The following RHD variants were observed in gnomAD, a reference collection of about 807,000 sequenced individuals.
RHD encodes the protein Rh blood group D antigen.
In RHD, 16 loss-of-function variants were observed where a neutral mutation model predicts 45.5. The ratio of observed to expected loss-of-function variants is 0.35; its 90% CI spans 0.24 to 0.53. The LOEUF is 0.53. RHD is among the 20% of genes least tolerant of loss of function. RHD has a pLI of 0.92. For synonymous variants in RHD, 131 were observed against 217.5 expected, an observed-to-expected ratio of 0.60 and a Z score of 3.50; for missense variants, 306 against 532.0, an observed-to-expected ratio of 0.58 and a Z score of 4.18.
intron 7 of RHD, among the ~76,000 whole-genome samples, chr1:25,316,635 A>G (rs553646189): frequency 0.017 from 2,000 of 119,170 alleles, 193 homozygotes; most frequent in African/African-American, 0.05. Context: ...AAAAAAAAAA[A>G]AGAGAGAGAG....
intron 6 of RHD, chr1:25,304,861 G>A (rs1465097684): frequency 7.6e-6 from 1 of 131,776 alleles, no homozygotes; most frequent in Non-Finnish European, 1.8e-5. Context: ...AGAACACATA[G>A]CAAGTTATCA....
At chr1:25,322,253 A>G (rs2124157058) in intron 9 of RHD, among the ~76,000 whole-genome samples, 2 of 132,706 alleles carry the variant, frequency 1.5e-5, no homozygotes, top group Non-Finnish European at 3.6e-5. Context: ...TGCAGTCCTC[A>G]GCGTAGCCAA....
rs1387584884 is a variant in RHD, at chr1:25,291,334, T to A, written c.486+543T>A. ...AAATACAAAATTTAGCTGGGCATGG[T>A]GGCAGGCGCCTGTAATCCCAGCTAC... On this transcript the variant is annotated intron_variant, in intron 3 of 9. Transcript: ENST00000328664. Among the ~76,000 whole-genome samples the A allele has an allele frequency of 1.5e-5, 2 of 131,062 alleles. 1 individual carries two copies. The highest frequency in any genetic ancestry group is 3.6e-5 in the Non-Finnish European group (2 of 55,368). The allele number at this position is 131,062 out of a possible 152,430, so 86.0% of individuals were successfully genotyped here. A position where few individuals can be genotyped will look rare whatever the true frequency, so the allele number is the denominator to read the frequency against.
At position 25,276,235 on chromosome 1, in the gene RHD, A is replaced by C. The variant is rs766841949; in HGVS notation, c.148+3540A>C. Among the ~76,000 whole-genome samples, 14 of 130,488 alleles carry C rather than the reference A, an allele frequency of 1.1e-4. 4 individuals are homozygous for C. Among genetic ancestry groups the C allele is most frequent in the Non-Finnish European group, 2.3e-4 (13 of 55,544 alleles). The allele number at this position is 130,488 out of a possible 152,430, so 85.6% of individuals were successfully genotyped here. A position where few individuals can be genotyped will look rare whatever the true frequency, so the allele number is the denominator to read the frequency against. On this transcript the variant is annotated intron_variant, in intron 1 of 9. Coordinates refer to ENST00000328664, the MANE Select transcript of RHD (RefSeq NM_016124.6). ...AAGTCTCCATCTGTTAGAGAGGCAC[A>C]TTGAAATGGCATGATATCTGGGGTT... is the stretch of plus-strand genomic sequence containing the variant.
At chr1:25,308,924 A>G (rs542845178) in intron 7 of RHD, among the ~76,000 whole-genome samples, 2 of 131,844 alleles carry the variant, frequency 1.5e-5, no homozygotes, top group Admixed American at 1.5e-4. Context: ...AAATGGGAAA[A>G]TAAGACCTAT....
At position 25,280,449 on chromosome 1, in the gene RHD, G is replaced by T. The variant is rs1265016711; in HGVS notation, c.149-4124G>T. On this transcript the variant is annotated intron_variant, in intron 1 of 9. Coordinates refer to ENST00000328664, the MANE Select transcript of RHD (RefSeq NM_016124.6). ...GCCTCCTGAGTAGCTGGGATTACAG[G>T]CATGCGCCACCATGCCAGGCTAATT... Among the ~76,000 whole-genome samples the T allele has an allele frequency of 1.6e-5, 2 of 128,528 alleles. 1 individual carries two copies. Among genetic ancestry groups the T allele is most frequent in the Non-Finnish European group, 3.7e-5 (2 of 54,468 alleles). 84.3% of individuals were successfully genotyped at this position (128,528 alleles called of 152,430 possible). A position where few individuals can be genotyped will look rare whatever the true frequency, so the allele number is the denominator to read the frequency against.
At chr1:25,321,402 T>C (rs1644691993) in intron 8 of RHD, among the ~76,000 whole-genome samples, 1 of 121,800 alleles carries the variant, frequency 8.2e-6, no homozygotes, top group Admixed American at 8.2e-5. Flanking sequence ...GGCTCATGCC[T>C]GTAATACTAG....
chr1:25,294,350 G>A (rs1177132893), intron 3 of RHD: 5 of 997,400 alleles, frequency 5.0e-6, no homozygotes, highest in East Asian at 2.3e-5. Flanking sequence ...GAAGAGTGAG[G>A]GCTGCAGCCA....
At chr1:25,302,266 C>T (rs111684541) in intron 5 of RHD, among the ~76,000 whole-genome samples, 1,296 of 129,542 alleles carry the variant, frequency 0.01, 206 homozygotes, top group African/African-American at 0.033. Context: ...GTGTGTGAGT[C>T]TTGTGGGCAG....
In RHD at chr1:25,318,480, G is replaced by A. The variant is rs151077941; in HGVS notation, c.1153+1401G>A. Reference sequence around the variant, plus strand: ...GCGTGTGCCTGTAGTCCCAGCTACTGGGGAGGCTGAAGTAGGGGAATGGCT... The same window carrying A: ...GCGTGTGCCTGTAGTCCCAGCTACTAGGGAGGCTGAAGTAGGGGAATGGCT... On this transcript the variant is annotated intron_variant, in intron 8 of 9. Coordinates refer to ENST00000328664, the MANE Select transcript of RHD (RefSeq NM_016124.6). Among the ~76,000 whole-genome samples, 14 of 130,572 alleles carry A rather than the reference G, an allele frequency of 1.1e-4. 2 individuals are homozygous for A. The highest frequency in any genetic ancestry group is 3.7e-4 in the African/African-American group (14 of 38,336). The allele number at this position is 130,572 out of a possible 152,430, so 85.7% of individuals were successfully genotyped here.
chr1:25,288,339 GC>G (rs1443677185), intron 2 of RHD, among the ~76,000 whole-genome samples: 1 of 124,248 alleles, frequency 8.0e-6, no homozygotes, highest in African/African-American at 2.7e-5. Context: ...ACCACACCTA[GC>G]TTTTTTTTTT....
At chr1:25,321,698 T>TAAAATAAAATAAAATA (rs1644718192) in intron 8 of RHD, among the ~76,000 whole-genome samples, 191 bp from the exon 9 acceptor site, 1 of 127,430 alleles carries the variant, frequency 7.8e-6, no homozygotes, top group Non-Finnish European at 1.8e-5. Context: ...TAAAATAAAA[T>TAAAATAAAATAAAATA]AAAATAAAAT....
chr1:25,299,666 G>A (rs1319727135), intron 3 of RHD, among the ~76,000 whole-genome samples: 1 of 131,608 alleles, frequency 7.6e-6, no homozygotes, highest in African/African-American at 2.6e-5. Flanking sequence ...GCAGGGTCGT[G>A]GCAAGAACCT....
intron 3 of RHD, chr1:25,294,675 G>C (rs1324371923): frequency 2.9e-6 from 2 of 684,784 alleles, no homozygotes; most frequent in Admixed American, 4.1e-5. Context: ...TCATCTTAAC[G>C]AGAGAAATGG....
rs1196837034 is a variant in RHD, at chr1:25,314,674, A to T, written c.1074-2326A>T. Among the ~76,000 whole-genome samples, 3 of 130,722 alleles carry T rather than the reference A, an allele frequency of 2.3e-5. 1 individual carries two copies. Among genetic ancestry groups the T allele is most frequent in the Non-Finnish European group, 5.4e-5 (3 of 55,094 alleles). 85.8% of individuals were successfully genotyped at this position (130,722 alleles called of 152,430 possible). On this transcript the variant is annotated intron_variant, in intron 7 of 9. Transcript: ENST00000328664. ...ATGCCCAGCTAACTTCTGTATAGAC[A>T]AAATAATTTTTGGTAGAGACAGGGT...
chr1:25,305,438 C>T lies in RHD; in HGVS notation c.940-1158C>T, dbSNP rs998078335. Among the ~76,000 whole-genome samples the T allele has an allele frequency of 1.5e-4, 18 of 116,838 alleles. 7 individuals carry two copies. The highest frequency in any genetic ancestry group is 4.0e-4 in the African/African-American group (14 of 34,706). 76.7% of individuals were successfully genotyped at this position (116,838 alleles called of 152,430 possible). On this transcript the variant is annotated intron_variant, in intron 6 of 9. Coordinates refer to ENST00000328664, the MANE Select transcript of RHD (RefSeq NM_016124.6). ...TTGAGACAGAGTCTCATTCTGTCAC[C>T]CAGGCTGGAGTGCAGTGGTGCAATC...
chr1:25,273,366 A>G (rs1571560397), intron 1 of RHD, among the ~76,000 whole-genome samples: 1 of 97,858 alleles, frequency 1.0e-5, no homozygotes, highest in Non-Finnish European at 2.5e-5. Context: ...CTGGTCTCAA[A>G]CTCCTGGACA....
chr1:25,311,045 G>A (rs142092665), intron 7 of RHD, among the ~76,000 whole-genome samples: 4,999 of 131,020 alleles, frequency 0.038, 857 homozygotes, highest in African/African-American at 0.12. Context: ...AGGGCTTAAA[G>A]GAAGACCCCA....
At position 25,320,432 on chromosome 1, in the gene RHD, T is replaced by C. The variant is rs531973808; in HGVS notation, c.1154-1457T>C. On this transcript the variant is annotated intron_variant, in intron 8 of 9. Transcript: ENST00000328664. Reference sequence around the variant, plus strand: ...CTCAGTGATGAGTAAGCCTCAGCTATCTGGAAAATTCATGCAGGCGCCAGA... The same window carrying C: ...CTCAGTGATGAGTAAGCCTCAGCTACCTGGAAAATTCATGCAGGCGCCAGA... Among the ~76,000 whole-genome samples the C allele has an allele frequency of 2.8e-4, 37 of 132,192 alleles. 4 individuals carry two copies. Among genetic ancestry groups the C allele is most frequent in the African/African-American group, 9.5e-4 (37 of 38,932 alleles). The allele number at this position is 132,192 out of a possible 152,430, so 86.7% of individuals were successfully genotyped here. A position where few individuals can be genotyped will look rare whatever the true frequency, so the allele number is the denominator to read the frequency against.
Sources: gnomAD v4.1 joint callset for allele counts (sites outside exome capture counted in the v4.1 genomes callset) on GRCh38, gnomAD v4.1.1 for gene constraint, MANE v1.5 for transcripts, NCBI Gene and HGNC (gene_info 2026-07-23, HGNC 2026-07-21) for gene names.